RAB27A: variants seen among roughly 807,000 people sequenced by gnomAD.
RAB27A encodes the protein RAB27A, member RAS oncogene family, also known as ras-related protein Rab-27A.
Under a neutral mutation model 20.8 loss-of-function variants are expected in RAB27A, and 17 were observed. That is an observed-to-expected ratio of 0.82 (90% confidence interval 0.56 to 1.23). RAB27A has a LOEUF of 1.23. Ranked by LOEUF, RAB27A falls within the 50% of genes most tolerant of loss-of-function variation. The probability of loss-of-function intolerance (pLI) is 0.00; values close to 1 mark genes in which losing one functional copy is unlikely to be tolerated. For synonymous variants in RAB27A, 85 were observed against 92.8 expected, an observed-to-expected ratio of 0.92 and a Z score of 0.48; for missense variants, 277 against 266.7, an observed-to-expected ratio of 1.04 and a Z score of -0.27.
intron 2 of RAB27A, among the ~76,000 whole-genome samples, chr15:55,263,211 G>T (rs1460899331): frequency 6.6e-6 from 1 of 152,016 alleles, no homozygotes; most frequent in Non-Finnish European, 1.5e-5. Flanking sequence ...GCATTCGCCA[G>T]GGGGTAGGGG....
At chr15:55,314,592 G>A (rs1003439055) in intron 1 of RAB27A, among the ~76,000 whole-genome samples, 1 of 152,166 alleles carries the variant, frequency 6.6e-6, no homozygotes, top group Admixed American at 6.5e-5. Flanking sequence ...AAATCAATGT[G>A]CAAAAATCAC....
At chr15:55,264,369 T>C (rs898272261) in intron 2 of RAB27A, among the ~76,000 whole-genome samples, 5 of 152,188 alleles carry the variant, frequency 3.3e-5, no homozygotes, top group African/African-American at 1.2e-4. Flanking sequence ...CTTTATTTTG[T>C]GATTTCTACA....
intron 6 of RAB27A, among the ~76,000 whole-genome samples, chr15:55,219,164 T>C (rs1293611354): frequency 6.6e-6 from 1 of 152,190 alleles, no homozygotes; most frequent in Non-Finnish European, 1.5e-5. Context: ...CAACCATATT[T>C]AGTCACAGAG....
At chr15:55,255,290 C>T (rs184433396) in intron 2 of RAB27A, among the ~76,000 whole-genome samples, 126 of 152,306 alleles carry the variant, frequency 8.3e-4, no homozygotes, top group Non-Finnish European at 1.8e-4. Context: ...CCATCCTCCT[C>T]GGGGTATTCC....
intron 2 of RAB27A, among the ~76,000 whole-genome samples, chr15:55,242,447 A>T (rs189670170): frequency 4.6e-5 from 7 of 152,286 alleles, no homozygotes; most frequent in East Asian, 1.9e-4. Context: ...TAACAGTACT[A>T]ATCTCATTGG....
intron 2 of RAB27A, among the ~76,000 whole-genome samples, chr15:55,249,215 T>C (rs570505318): frequency 1.1e-4 from 16 of 152,348 alleles, no homozygotes; most frequent in African/African-American, 3.8e-4. Context: ...TCTAATTTTA[T>C]TGCATTGTGA....
intron 2 of RAB27A, among the ~76,000 whole-genome samples, chr15:55,248,645 C>G (rs928342373): frequency 6.6e-6 from 1 of 152,260 alleles, no homozygotes; most frequent in Non-Finnish European, 1.5e-5. Context: ...ACAAATAGAT[C>G]ACGTGTTTAA....
At chr15:55,312,897 G>T (rs1213322747) in intron 2 of RAB27A, among the ~76,000 whole-genome samples, 3 of 152,162 alleles carry the variant, frequency 2.0e-5, no homozygotes, top group African/African-American at 7.2e-5. Flanking sequence ...ATGAGAAGAT[G>T]TGATAATGTG....
At chr15:55,310,209 G>T (rs1310877506) in intron 2 of RAB27A, among the ~76,000 whole-genome samples, 1 of 152,200 alleles carries the variant, frequency 6.6e-6, no homozygotes, top group African/African-American at 2.4e-5. Context: ...GTGACTGGCT[G>T]TCCTAGGACC....
intron 2 of RAB27A, among the ~76,000 whole-genome samples, chr15:55,298,083 T>A (rs1413275692): frequency 6.6e-6 from 1 of 151,640 alleles, no homozygotes; most frequent in African/African-American, 2.4e-5. Context: ...CAGGCAACTG[T>A]AGTCACAGCT....
upstream of RAB27A, among the ~76,000 whole-genome samples, chr15:55,294,075 A>C (rs1338252459): frequency 6.6e-6 from 1 of 152,196 alleles, no homozygotes; most frequent in Non-Finnish European, 1.5e-5. Flanking sequence ...CAAAGGACCC[A>C]AAAATTTAAA....
At chr15:55,210,562 G>A (rs568505964) in intron 6 of RAB27A, among the ~76,000 whole-genome samples, 1 of 151,996 alleles carries the variant, frequency 6.6e-6, no homozygotes, top group Admixed American at 6.6e-5. Context: ...TTTGCCATTT[G>A]CAGATCTTTT....
rs148629457 is a variant in RAB27A, at chr15:55,306,499, G to A, written c.-112+7540C>T. Among the ~76,000 whole-genome samples, 1,214 of 152,156 alleles carry A rather than the reference G, an allele frequency of 8.0e-3. 13 individuals carry two copies. The highest frequency in any genetic ancestry group is 0.013 in the Non-Finnish European group (907 of 68,010). On this transcript the variant is annotated intron_variant, in intron 2 of 5. Transcript: ENST00000563262. The stretch of plus-strand genomic sequence containing the variant: ...TCAGTTGGGAGATTACTTCCTTTAC[G>A]TGTTTTTCTCTTGCCTGATCTTGAA...
chr15:55,296,929 C>A, intron 2 of RAB27A, among the ~76,000 whole-genome samples: 1 of 151,960 alleles, frequency 6.6e-6, no homozygotes, highest in African/African-American at 2.4e-5. Flanking sequence ...GGCCCATATC[C>A]CAGGGCACTG....
intron 2 of RAB27A, among the ~76,000 whole-genome samples, chr15:55,247,983 G>C (rs1164779673): frequency 6.8e-6 from 1 of 146,972 alleles, no homozygotes; most frequent in African/African-American, 2.5e-5. Flanking sequence ...GCCCAGGCGT[G>C]AGTGCAGTGG....
chr15:55,260,858 G>T (rs116924995), intron 2 of RAB27A, among the ~76,000 whole-genome samples: 1 of 152,150 alleles, frequency 6.6e-6, no homozygotes, highest in Non-Finnish European at 1.5e-5. Flanking sequence ...ATAGATAGAT[G>T]TCATTATACA....
At chr15:55,209,811 C>T (rs1441402138) in intron 6 of RAB27A, among the ~76,000 whole-genome samples, 2 of 134,936 alleles carry the variant, frequency 1.5e-5, no homozygotes, top group Non-Finnish European at 1.5e-5. Context: ...CATATATACA[C>T]ACATGTGTGT....
intron 1 of RAB27A, among the ~76,000 whole-genome samples, chr15:55,272,393 C>A (rs1220596564): frequency 1.3e-5 from 2 of 151,940 alleles, no homozygotes; most frequent in African/African-American, 4.8e-5. Flanking sequence ...AGTGAGACTC[C>A]GTCTCAAAAA....
intron 1 of RAB27A, among the ~76,000 whole-genome samples, chr15:55,279,110 T>A (rs1433520044): frequency 6.6e-6 from 1 of 152,128 alleles, no homozygotes; most frequent in Non-Finnish European, 1.5e-5. Flanking sequence ...AGCCAAAATA[T>A]GGCCTAGGAA....
Sources: gnomAD v4.1 joint callset for allele counts (sites outside exome capture counted in the v4.1 genomes callset) on GRCh38, gnomAD v4.1.1 for gene constraint, MANE v1.5 for transcripts, NCBI Gene and HGNC (gene_info 2026-07-23, HGNC 2026-07-21) for gene names.